The following DRC10 variants were observed in gnomAD, a reference collection of about 807,000 sequenced individuals.
The protein encoded by DRC10 is IQ domain-containing protein D.
the DRC10 span, chr12:113,206,262 T>G: frequency 6.6e-6 from 1 of 150,980 alleles, no homozygotes. Context: ...TGTTCTTAGC[T>G]CCCACATTTT....
the DRC10 span, among the ~76,000 whole-genome samples, chr12:113,212,320 T>C: frequency 6.6e-6 from 1 of 152,014 alleles, no homozygotes; most frequent in Non-Finnish European, 1.5e-5. Context: ...CTGCCCACCT[T>C]GGCCTCCCAA....
At chr12:113,202,426 A>G in the DRC10 span, among the ~76,000 whole-genome samples, 1 of 152,198 alleles carries the variant, frequency 6.6e-6, no homozygotes, top group East Asian at 1.9e-4. Flanking sequence ...ACCTTTCATC[A>G]GTGGTGGGGG....
chr12:113,197,540 C>A, the DRC10 span: 1 of 1,528,294 alleles, frequency 6.5e-7, no homozygotes, highest in Non-Finnish European at 8.8e-7. Context: ...GCGACAAATA[C>A]CTGCTTCTCA....
At chr12:113,207,788 GC>G in the DRC10 span, 4 of 1,614,020 alleles carry the variant, frequency 2.5e-6, no homozygotes, top group East Asian at 8.9e-5. Flanking sequence ...CGGTCTCTGA[GC>G]CACCCTTCCT....
At chr12:113,200,831 A>G in the DRC10 span, 1 of 1,509,314 alleles carries the variant, frequency 6.6e-7, no homozygotes, top group Non-Finnish European at 8.9e-7. Flanking sequence ...AGGAAGAGAA[A>G]GGGCTCCGTT....
chr12:113,218,944 T>C, the DRC10 span, among the ~76,000 whole-genome samples: 1 of 152,252 alleles, frequency 6.6e-6, no homozygotes, highest in Admixed American at 6.5e-5. Context: ...AGAACATTTA[T>C]ATTTAAGTCT....
the DRC10 span, among the ~76,000 whole-genome samples, chr12:113,212,351 G>A: frequency 2.6e-4 from 39 of 152,078 alleles, no homozygotes; most frequent in African/African-American, 9.4e-4. Context: ...TTACAGGCGT[G>A]AGCCACCATG....
the DRC10 span, chr12:113,207,258 G>A: frequency 6.4e-3 from 4,312 of 677,816 alleles, 41 homozygotes; most frequent in Non-Finnish European, 9.3e-3. Context: ...TGTGGTGGGA[G>A]AATCGCTTGA....
chr12:113,215,922 C>T, the DRC10 span, among the ~76,000 whole-genome samples: 1 of 152,302 alleles, frequency 6.6e-6, no homozygotes, highest in East Asian at 1.9e-4. Context: ...GGTGGGAATG[C>T]AACATGGTGC....
the DRC10 span, chr12:113,200,640 C>T: frequency 1.4e-5 from 21 of 1,536,188 alleles, no homozygotes; most frequent in Non-Finnish European, 1.8e-5. Context: ...ACTGTGACTG[C>T]AGCTGCAGGA....
At chr12:113,198,760 C>A in the DRC10 span, among the ~76,000 whole-genome samples, 4 of 152,128 alleles carry the variant, frequency 2.6e-5, no homozygotes, top group Admixed American at 2.0e-4. Context: ...CTGAATTGCT[C>A]ATTTTAAAAT....
At chr12:113,200,915 G>A in the DRC10 span, 1 of 765,214 alleles carries the variant, frequency 1.3e-6, no homozygotes, top group Non-Finnish European at 2.0e-6. Context: ...GAGGTGGGTG[G>A]GTCACCTGAG....
the DRC10 span, among the ~76,000 whole-genome samples, chr12:113,204,367 T>G: frequency 3.9e-5 from 6 of 152,134 alleles, no homozygotes; most frequent in African/African-American, 9.6e-5. Flanking sequence ...TCTGGGTTTC[T>G]GAACTAGCCA....
At chr12:113,212,811 TA>T in the DRC10 span, among the ~76,000 whole-genome samples, 1 of 152,198 alleles carries the variant, frequency 6.6e-6, no homozygotes, top group Non-Finnish European at 1.5e-5. Flanking sequence ...ATGTCCTTTT[TA>T]ATGCCACCAA....
At chr12:113,207,347 TA>T in the DRC10 span, 3,947 of 1,010,980 alleles carry the variant, frequency 3.9e-3, no homozygotes, top group Non-Finnish European at 4.9e-3. Context: ...GACTCCATCT[TA>T]AAAAAAAAAT....
At chr12:113,214,855 T>C in the DRC10 span, among the ~76,000 whole-genome samples, 3 of 151,592 alleles carry the variant, frequency 2.0e-5, no homozygotes, top group African/African-American at 7.3e-5. Context: ...AATTTTGAAC[T>C]ATTACCCAAT....
the DRC10 span, chr12:113,206,218 CA>C: frequency 0.15 from 11,370 of 74,180 alleles, 382 homozygotes; most frequent in East Asian, 0.27. Context: ...GACTCCGCCT[CA>C]AAAAAAAAAA....
At chr12:113,200,369 G>A in the DRC10 span, 2 of 691,284 alleles carry the variant, frequency 2.9e-6, no homozygotes, top group Admixed American at 2.0e-5. Context: ...CCAGGCCTGT[G>A]TGCTGCCCCT....
chr12:113,207,659 G>C, the DRC10 span: 1 of 1,613,970 alleles, frequency 6.2e-7, no homozygotes, highest in African/African-American at 1.3e-5. Context: ...GTCTGCATCT[G>C]CAGGAGCCTA....
Sources: allele counts gnomAD v4.1 joint callset (sites outside exome capture counted in the v4.1 genomes callset), GRCh38; gene constraint gnomAD v4.1.1; transcripts MANE v1.5; gene names NCBI Gene and HGNC (gene_info 2026-07-23, HGNC 2026-07-21).